Variants in ZNF16 observed in about 807,000 individuals in gnomAD.
ZNF16 encodes the protein zinc finger protein 16.
ZNF16 carries 7 observed loss-of-function variants against 9.0 expected under a neutral mutation model. The observed-to-expected ratio is 0.78, with a 90% CI of 0.44 to 1.47. The LOEUF is 1.47. Among genes scored for constraint, ZNF16 ranks in the 40% most tolerant of loss-of-function variants. The pLI is 0.01. For synonymous variants in ZNF16, 312 were observed against 301.5 expected (o/e 1.03, Z -0.36); for missense variants, 830 against 854.2 (o/e 0.97, Z 0.35).
chr8:144,930,503 CA>C lies in ZNF16; in HGVS notation c.*234del, dbSNP rs1163445175. On this transcript the variant is annotated 3_prime_UTR_variant, in exon 3 of 3. Coordinates refer to ENST00000394909, the MANE Select transcript of ZNF16 (RefSeq NM_006958.3). Reference sequence around the variant, plus strand: ...TTGTAACAAACGTGCAGTCCGTTCACAAGCTGTAAAAACAAGCCCAAACCCA... The same window carrying C: ...TTGTAACAAACGTGCAGTCCGTTCACAGCTGTAAAAACAAGCCCAAACCCA... 3 of 466,930 alleles carry C rather than the reference CA, an allele frequency of 6.4e-6. No homozygotes were observed. The highest frequency in any genetic ancestry group is 6.3e-5 in the East Asian group (2 of 31,702). 28.9% of individuals were successfully genotyped at this position (466,930 alleles called of 1,614,324 possible).
At chr8:144,940,630 T>C (rs1290328006) in intron 2 of ZNF16, among the ~76,000 whole-genome samples, 1 of 152,250 alleles carries the variant, frequency 6.6e-6, no homozygotes, top group Non-Finnish European at 1.5e-5. Flanking sequence ...ATATGGTTTG[T>C]GTTACATGTA....
At chr8:144,945,122 C>CT (rs58690759) in intron 2 of ZNF16, 41,902 of 144,362 alleles carry the variant, frequency 0.29, 6,029 homozygotes, top group East Asian at 0.37. Context: ...TATATAGGTG[C>CT]TTTTTTTTTT....
chr8:144,946,139 C>A lies in ZNF16; in HGVS notation c.68G>T (p.Trp23Leu). The change falls in exon 2 of 3, where the codon TGG becomes TTG. Residue 23 changes from tryptophan to leucine, a missense_variant. Transcript: ENST00000394909. The stretch of plus-strand genomic sequence containing the variant: ...CACACGGGCCTGGGCTGCAGGGGTC[C>A]AGGGGGATGGTCCTGGAACTGAGAG... Reference protein sequence around the residue: ...MELSVPGPSPWTPAAQARVRD... With the variant: ...MELSVPGPSPLTPAAQARVRD... 2 of 1,592,116 alleles carry A rather than the reference C, an allele frequency of 1.3e-6. No homozygotes were observed. Among genetic ancestry groups the A allele is most frequent in the Admixed American group, 1.7e-5 (1 of 58,894 alleles).
chr8:144,935,890 A>G (rs1001372014), intron 2 of ZNF16, among the ~76,000 whole-genome samples: 1 of 152,216 alleles, frequency 6.6e-6, no homozygotes, highest in South Asian at 2.1e-4. Flanking sequence ...TTACTTCTTC[A>G]TCTCCTACAG....
chr8:144,931,209 A>C lies in ZNF16; in HGVS notation c.1578T>G (p.Phe526Leu), dbSNP rs747660308. 2 of 1,612,052 alleles carry C rather than the reference A, an allele frequency of 1.2e-6. No individual in the cohort carries two copies. The highest frequency in any genetic ancestry group is 2.7e-5 in the African/African-American group (2 of 74,242). Reference protein sequence around the residue: ...PYACHECGKTFGRSSNLILHQ... With the variant: ...PYACHECGKTLGRSSNLILHQ... Reference sequence around the variant, plus strand: ...GAAGGATGAGGTTGGAGCTGCGACCAAAGGTCTTCCCACACTCGTGGCAGG... The same window carrying C: ...GAAGGATGAGGTTGGAGCTGCGACCCAAGGTCTTCCCACACTCGTGGCAGG... Residue 526 changes from phenylalanine to leucine, a missense_variant, in exon 3 of 3, where the codon TTT becomes TTG. Physicochemically the swap from Phe to Leu is conservative, Grantham distance 22 (BLOSUM62 0). Transcript: ENST00000394909.
At chr8:144,950,122 G>A (rs1245170168) in intron 1 of ZNF16, among the ~76,000 whole-genome samples, 1 of 151,874 alleles carries the variant, frequency 6.6e-6, no homozygotes, top group African/African-American at 2.4e-5. Context: ...AACAAATCTG[G>A]CCTACGTGCC....
chr8:144,950,559 CG>C (rs1381630815), intron 1 of ZNF16: 1 of 152,144 alleles, frequency 6.6e-6, no homozygotes, highest in Non-Finnish European at 1.5e-5. Context: ...GGGGTCTCCC[CG>C]GAGACCCCCT....
rs1266963481 is a variant in ZNF16 at position 144,946,518 on chromosome 8, T to TCTGTACCCTGCTGTGGGGC, written c.-9-304_-9-303insGCCCCACAGCAGGGTACAG. ...TGATAGGAGGGCAGCCCCCACAGGG[T>TCTGTACCCTGCTGTGGGGC]CTGTGTCCTGCTGTGGGGCCTGTGT... is the stretch of plus-strand genomic sequence containing the variant. On this transcript the variant is annotated intron_variant, in intron 1 of 2. Coordinates refer to ENST00000394909, the MANE Select transcript of ZNF16 (RefSeq NM_006958.3). Among the ~76,000 whole-genome samples the TCTGTACCCTGCTGTGGGGC allele has an allele frequency of 4.4e-4, 62 of 140,080 alleles. 2 individuals are homozygous for TCTGTACCCTGCTGTGGGGC. The highest frequency in any genetic ancestry group is 1.3e-3 in the African/African-American group (52 of 38,938). The allele number at this position is 140,080 out of a possible 152,430, so 91.9% of individuals were successfully genotyped here.
chr8:144,942,632 G>A (rs994451488), intron 2 of ZNF16, among the ~76,000 whole-genome samples: 6 of 152,150 alleles, frequency 3.9e-5, no homozygotes, highest in African/African-American at 1.4e-4. Flanking sequence ...TGATTGCAAT[G>A]AACGTTCTAA....
At position 144,931,064 on chromosome 8, in the gene ZNF16, A is replaced by G. The variant is rs770030845; in HGVS notation, c.1723T>C (p.Cys575Arg). The change falls in exon 3 of 3, where the codon TGT (cysteine) becomes CGT (arginine). Residue 575 changes from cysteine (C) to arginine (R), a missense_variant. Cys to Arg is a radical substitution (Grantham distance 180, BLOSUM62 -3). Coordinates refer to ENST00000394909, the MANE Select transcript of ZNF16 (RefSeq NM_006958.3). The part of the protein sequence containing the change: ...RIHNGLKPHE[C>R]NQCGKAFNRS... ...TTGAAGGCTTTACCACACTGGTTAC[A>G]TTCATGGGGCTTCAGCCCATTATGA... 1.8e-5 allele frequency: 29 copies of G among 1,614,100 alleles called. No homozygotes were observed. Among genetic ancestry groups the G allele is most frequent in the South Asian group, 2.2e-5 (2 of 91,090 alleles).
At chr8:144,948,530 T>C (rs919359097) in intron 1 of ZNF16, 1 of 152,224 alleles carries the variant, frequency 6.6e-6, no homozygotes, top group East Asian at 1.9e-4. Flanking sequence ...TAGTTCATTT[T>C]ATTTAAAAAT....
rs1388866927 is a variant in ZNF16, at chr8:144,933,795, T to A, written c.197-1205A>T. ...CAGAGCACTCTCCACATGGCCCTCG[T>A]GCTACCCACTTCCCTTGCACAGGCC... On this transcript the variant is annotated intron_variant, in intron 2 of 2. Coordinates refer to ENST00000394909, the MANE Select transcript of ZNF16 (RefSeq NM_006958.3). This position sits in a 1 kb window ranked among gnomAD's most constrained non-coding sequence, Gnocchi z 5.6. Among the ~76,000 whole-genome samples, 1 of 152,210 alleles carries A rather than the reference T, an allele frequency of 6.6e-6. No individual in the cohort carries two copies. The highest frequency in any genetic ancestry group is 1.5e-5 in the Non-Finnish European group (1 of 68,042).
In ZNF16 at chr8:144,931,454, TCTGA is replaced by T. The variant is rs1833537842; in HGVS notation, c.1329_1332del (p.Ser443ArgfsTer127). On this transcript the variant is annotated frameshift_variant, in exon 3 of 3. Coordinates refer to ENST00000394909, the MANE Select transcript of ZNF16 (RefSeq NM_006958.3). LOFTEE classifies it low-confidence loss of function (END_TRUNC). ...CTCCGATGCTGAATAAGGCTGGAGC[TCTGA>T]CTAAATGCTTTCCCACAGTCACTGC... The T allele has an allele frequency of 6.2e-7, 1 of 1,614,174 alleles. No homozygotes were observed. The highest frequency in any genetic ancestry group is 8.5e-7 in the Non-Finnish European group (1 of 1,180,020).
chr8:144,943,771 C>G (rs533081890), intron 2 of ZNF16, among the ~76,000 whole-genome samples: 1 of 152,228 alleles, frequency 6.6e-6, no homozygotes, highest in East Asian at 1.9e-4. Context: ...CTGCTTGCCT[C>G]GGCCTCCCAA....
rs113723133 is a variant in ZNF16 at position 144,942,230 on chromosome 8, G to A, written c.196+3781C>T. Among the ~76,000 whole-genome samples, 616 of 147,690 alleles carry A rather than the reference G, an allele frequency of 4.2e-3. 4 individuals are homozygous for A. Among genetic ancestry groups the A allele is most frequent in the African/African-American group, 0.015 (583 of 39,888 alleles). On this transcript the variant is annotated intron_variant, in intron 2 of 2. Transcript: ENST00000394909. ...CCTGACCTTGTGATCTGCCCGCCTC[G>A]GCCTCCCAAAGTGCTGGGATTACAG...
chr8:144,945,939 G>C lies in ZNF16; in HGVS notation c.196+72C>G, dbSNP rs532503777. 4 of 1,579,818 alleles carry C rather than the reference G, an allele frequency of 2.5e-6. No individual in the cohort carries two copies. The African/African-American group carries it at 5.4e-5, about 21-fold the overall frequency. ...TGTGATGACACAGATGCCTCCTAGG[G>C]GTAAGCACAGGGTTCCATGGACATC... is the stretch of plus-strand genomic sequence containing the variant. On this transcript the variant is annotated intron_variant, in intron 2 of 2. Coordinates refer to ENST00000394909, the MANE Select transcript of ZNF16 (RefSeq NM_006958.3).
chr8:144,950,833 G>A lies in ZNF16; in HGVS notation c.-46C>T. On this transcript the variant is annotated 5_prime_UTR_variant, in exon 1 of 3. Transcript: ENST00000394909. Reference sequence around the variant, plus strand: ...GCGCTTGGAAAGGAGGCAGCACCGTGGCACGAAGACGTCTCAGCCAACGCC... The same window carrying A: ...GCGCTTGGAAAGGAGGCAGCACCGTAGCACGAAGACGTCTCAGCCAACGCC... 6.6e-6 allele frequency: 1 copy of A among 152,444 alleles called. No individual in the cohort carries two copies. The highest frequency in any genetic ancestry group is 2.1e-4 in the South Asian group (1 of 4,828). 9.4% of individuals were successfully genotyped at this position (152,444 alleles called of 1,614,324 possible).
rs1449638322 is a variant in ZNF16, at chr8:144,933,038, A to G, written c.197-448T>C. On this transcript the variant is annotated intron_variant, in intron 2 of 2. Transcript: ENST00000394909. The surrounding 1 kb of genome is among the most constrained non-coding windows in gnomAD (Gnocchi z 5.6). ...CTCACACCACTCCTTACACTGTTAC[A>G]TATTTCACCCTTTTTTCTGTCCACA... Among the ~76,000 whole-genome samples, 1 of 151,672 alleles carries G rather than the reference A, an allele frequency of 6.6e-6. No individual in the cohort carries two copies. Among genetic ancestry groups the G allele is most frequent in the Non-Finnish European group, 1.5e-5 (1 of 68,018 alleles).
At chr8:144,947,731 T>C (rs1833999076) in intron 1 of ZNF16, among the ~76,000 whole-genome samples, 1 of 152,186 alleles carries the variant, frequency 6.6e-6, no homozygotes, top group Admixed American at 6.5e-5. Flanking sequence ...ACTTCCTTGG[T>C]GATTATGTCC....
Sources: allele counts gnomAD v4.1 joint callset (sites outside exome capture counted in the v4.1 genomes callset), GRCh38; gene constraint gnomAD v4.1.1; non-coding constraint Gnocchi (gnomAD v3.1); transcripts MANE v1.5; gene names NCBI Gene and HGNC (gene_info 2026-07-23, HGNC 2026-07-21).